SLC7A1: variants seen among roughly 807,000 people sequenced by gnomAD.
SLC7A1 encodes solute carrier family 7 member 1.
A neutral mutation model predicts 53.9 loss-of-function variants in SLC7A1; 10 were observed. The observed-to-expected ratio is 0.19, with a 90% CI of 0.11 to 0.31. The LOEUF (loss-of-function observed/expected upper bound fraction) is 0.31, where lower values mean the gene tolerates loss of function less well. SLC7A1 is among the 10% of genes least tolerant of loss of function. The pLI is 1.00. For synonymous variants in SLC7A1, 342 were observed against 338.7 expected (o/e 1.01, Z -0.11); for missense variants, 525 against 827.2 (o/e 0.63, Z 4.48).
At position 29,538,989 on chromosome 13, in the gene SLC7A1, CAAG is replaced by C. The variant is rs544153026; in HGVS notation, c.-14-2790_-14-2788del. On this transcript the variant is annotated intron_variant, in intron 2 of 12. Transcript: ENST00000380752. Reference sequence around the variant, plus strand: ...ACCTCTCCCAGATGTCACTTCTGCTCAAGAATAAGCAGATTCTCTCCATAAAAC... The same window carrying C: ...ACCTCTCCCAGATGTCACTTCTGCTCAATAAGCAGATTCTCTCCATAAAAC... 8.5e-5 allele frequency among the ~76,000 whole-genome samples: 13 copies of C among 152,232 alleles called. No individual in the cohort carries two copies. The South Asian group carries it at 2.5e-3, about 29-fold the overall frequency.
intron 2 of SLC7A1, among the ~76,000 whole-genome samples, chr13:29,550,632 G>A (rs755054365): frequency 1.7e-4 from 26 of 152,180 alleles, no homozygotes; most frequent in African/African-American, 3.1e-4. Context: ...ACTAGAGAAC[G>A]TGAATTCAGC....
intron 2 of SLC7A1, among the ~76,000 whole-genome samples, chr13:29,548,612 C>T (rs552506400): frequency 7.2e-5 from 11 of 152,314 alleles, no homozygotes; most frequent in South Asian, 2.1e-4. Context: ...TAAGAAACAC[C>T]GGAGGGGAAA....
chr13:29,525,070 C>A (rs1156698797), intron 5 of SLC7A1, among the ~76,000 whole-genome samples: 1 of 152,202 alleles, frequency 6.6e-6, no homozygotes, highest in Non-Finnish European at 1.5e-5. Flanking sequence ...GGCCTGTCCC[C>A]CCACATGCTG....
In SLC7A1 at chr13:29,567,393, A is replaced by G. The variant is rs1756442; in HGVS notation, c.-114-13533T>C. On this transcript the variant is annotated intron_variant, in intron 1 of 12. Transcript: ENST00000380752. ...AAGAGTAAAAGCTCATCAGGCAGTC[A>G]AAATGGAACAGTCTGTTAGCCCAGC... Among the ~76,000 whole-genome samples, 522 of 152,322 alleles carry G rather than the reference A, an allele frequency of 3.4e-3. 4 individuals carry two copies. The highest frequency in any genetic ancestry group is 0.012 in the African/African-American group (490 of 41,576).
At chr13:29,594,581 GGGAAGTTTTCTACTACGC>G (rs1406089898) in intron 1 of SLC7A1, among the ~76,000 whole-genome samples, 1 of 152,210 alleles carries the variant, frequency 6.6e-6, no homozygotes, top group East Asian at 1.9e-4. Flanking sequence ...GCCCATGCCT[GGGAAGTTTTCTACTACGC>G]AGAAAGGAAC....
chr13:29,543,052 T>A (rs570887219), intron 2 of SLC7A1, among the ~76,000 whole-genome samples: 124 of 152,336 alleles, frequency 8.1e-4, no homozygotes, highest in Non-Finnish European at 1.3e-3. Flanking sequence ...CAAAGCACTG[T>A]GACAACTGGG....
chr13:29,544,870 G>GT (rs1156972167), intron 2 of SLC7A1, among the ~76,000 whole-genome samples: 3 of 133,754 alleles, frequency 2.2e-5, no homozygotes, highest in African/African-American at 7.9e-5. Flanking sequence ...GCCTCATCGG[G>GT]GGGGGGGGGC....
chr13:29,539,468 G>A (rs1178767218), intron 2 of SLC7A1, among the ~76,000 whole-genome samples: 1 of 152,162 alleles, frequency 6.6e-6, no homozygotes, highest in Non-Finnish European at 1.5e-5. Flanking sequence ...TATGCTGGGG[G>A]GACCTCTGAA....
intron 9 of SLC7A1, 78 bp downstream of exon 9, chr13:29,519,369 T>C: frequency 1.2e-6 from 1 of 847,740 alleles, no homozygotes; most frequent in Middle Eastern, 2.3e-4. Flanking sequence ...ATTCATCACA[T>C]AAACCATAGC....
At chr13:29,542,412 G>A (rs764386529) in intron 2 of SLC7A1, among the ~76,000 whole-genome samples, 19 of 152,048 alleles carry the variant, frequency 1.2e-4, no homozygotes, top group African/African-American at 2.9e-4. Flanking sequence ...CCGAGATCAC[G>A]CCATTGCACT....
At chr13:29,566,902 T>C (rs1870990892) in intron 1 of SLC7A1, among the ~76,000 whole-genome samples, 1 of 152,184 alleles carries the variant, frequency 6.6e-6, no homozygotes, top group Non-Finnish European at 1.5e-5. Flanking sequence ...GGCAGCACTT[T>C]CTCCCACATA....
At chr13:29,552,582 G>A (rs1032103256) in intron 2 of SLC7A1, among the ~76,000 whole-genome samples, 4 of 152,130 alleles carry the variant, frequency 2.6e-5, no homozygotes, top group African/African-American at 4.8e-5. Flanking sequence ...CTGGCCCACC[G>A]AGGATGGAAA....
chr13:29,514,086 G>A lies in SLC7A1; in HGVS notation c.*394C>T. On this transcript the variant is annotated 3_prime_UTR_variant, in exon 13 of 13. Transcript: ENST00000380752. ...AGATGGCTGCGAAAGTTTGGAGTAT[G>A]CACAATTTCAATCCCAGAACAGTCC... The A allele has an allele frequency of 4.9e-6, 1 of 203,468 alleles. No homozygotes were observed. Among genetic ancestry groups the A allele is most frequent in the Non-Finnish European group, 1.0e-5 (1 of 99,184 alleles). The allele number at this position is 203,468 out of a possible 1,614,324, so 12.6% of individuals were successfully genotyped here.
Position 29,532,811 on chromosome 13 carries a change from G to A in SLC7A1, c.529+13C>T, listed in dbSNP as rs769461821. 2 of 1,606,972 alleles carry A rather than the reference G, an allele frequency of 1.2e-6. No homozygotes were observed. Among genetic ancestry groups the A allele is most frequent in the South Asian group, 1.1e-5 (1 of 90,376 alleles). On this transcript the variant is annotated intron_variant, in intron 4 of 12. Transcript: ENST00000380752. Reference sequence around the variant, plus strand: ...TCACTCTGACCCGATCTCTTTTTAAGTGTGGGCTTTACCTGTCAAGATGAG... The same window carrying A: ...TCACTCTGACCCGATCTCTTTTTAAATGTGGGCTTTACCTGTCAAGATGAG...
intron 6 of SLC7A1, among the ~76,000 whole-genome samples, chr13:29,523,694 T>C (rs1451342534): frequency 6.6e-6 from 1 of 152,212 alleles, no homozygotes; most frequent in African/African-American, 2.4e-5. Flanking sequence ...AGACAGCCCA[T>C]GGCCCTGCAA....
chr13:29,572,838 C>T (rs1871256602), intron 1 of SLC7A1, among the ~76,000 whole-genome samples: 1 of 152,130 alleles, frequency 6.6e-6, no homozygotes, highest in South Asian at 2.1e-4. Context: ...CCAGAAGCAG[C>T]CAACACACAC....
At chr13:29,577,976 G>A (rs990742526) in intron 1 of SLC7A1, among the ~76,000 whole-genome samples, 19 of 152,130 alleles carry the variant, frequency 1.2e-4, no homozygotes, top group Non-Finnish European at 1.0e-4. Flanking sequence ...AGTCCTGTTT[G>A]CTTTTCATTT....
chr13:29,542,097 G>C (rs1869689357), intron 2 of SLC7A1, among the ~76,000 whole-genome samples: 1 of 152,092 alleles, frequency 6.6e-6, no homozygotes, highest in South Asian at 2.1e-4. Context: ...ATTGCAGAAG[G>C]CATGTTCACC....
chr13:29,535,993 T>C lies in SLC7A1; in HGVS notation c.196A>G (p.Ile66Val). ...AVARENAGPA[I>V]VISFLIAALA... ...GCAGCGATCAGGAAGGAGATGACAATGGCAGGGCCTGCATTCTCACGGGCC... is the reference window on the plus strand; with the variant it reads ...GCAGCGATCAGGAAGGAGATGACAACGGCAGGGCCTGCATTCTCACGGGCC... The change falls in exon 3 of 13, where the codon ATT (isoleucine) becomes GTT (valine). Residue 66 changes from isoleucine (I) to valine (V), a missense_variant. Coordinates refer to ENST00000380752, the MANE Select transcript of SLC7A1 (RefSeq NM_003045.5). 1 of 1,614,036 alleles carries C rather than the reference T, an allele frequency of 6.2e-7. No individual in the cohort carries two copies. The highest frequency in any genetic ancestry group is 8.5e-7 in the Non-Finnish European group (1 of 1,180,030).
Sources: allele counts gnomAD v4.1 joint callset (sites outside exome capture counted in the v4.1 genomes callset), GRCh38; gene constraint gnomAD v4.1.1; transcripts MANE v1.5; gene names NCBI Gene and HGNC (gene_info 2026-07-23, HGNC 2026-07-21).